The following PAK2 variants were observed in gnomAD, a reference collection of about 807,000 sequenced individuals.
The protein encoded by PAK2 is serine/threonine-protein kinase PAK 2.
A neutral mutation model predicts 65.9 loss-of-function variants in PAK2; 21 were observed. The observed-to-expected ratio is 0.32, with a 90% CI of 0.23 to 0.46. PAK2 has a LOEUF of 0.46. PAK2 is among the 20% of genes least tolerant of loss of function. The pLI, the probability that PAK2 is intolerant of heterozygous loss-of-function variation, is 1.00. For synonymous variants in PAK2, 204 were observed against 219.7 expected, an observed-to-expected ratio of 0.93 and a Z score of 0.63; for missense variants, 324 against 642.6, an observed-to-expected ratio of 0.50 and a Z score of 5.36.
chr3:196,761,981 G>A (rs961190758), intron 1 of PAK2, among the ~76,000 whole-genome samples: 8 of 128,962 alleles, frequency 6.2e-5, no homozygotes, highest in South Asian at 5.4e-4. Flanking sequence ...CTTCTCAGAC[G>A]GGGTGGTTGC....
rs140128630 is a variant in PAK2, at chr3:196,772,497, G to A, written c.-21-10129G>A. Among the ~76,000 whole-genome samples, 114 of 152,292 alleles carry A rather than the reference G, an allele frequency of 7.5e-4. 1 individual carries two copies. The highest frequency in any genetic ancestry group is 2.5e-3 in the African/African-American group (106 of 41,572). On this transcript the variant is annotated intron_variant, in intron 1 of 14. Coordinates refer to ENST00000327134, the MANE Select transcript of PAK2 (RefSeq NM_002577.4). The stretch of plus-strand genomic sequence containing the variant: ...AGACCTTTATCTTAGAGTTTGAAGC[G>A]AAGTTTTAGTTTCCTTCTTTTTTAC...
rs868361208 is a variant in PAK2 at position 196,791,855 on chromosome 3, C to T, written c.187+9022C>T. 1.1e-3 allele frequency among the ~76,000 whole-genome samples: 171 copies of T among 151,080 alleles called. No homozygotes were observed. The highest frequency in any genetic ancestry group is 3.6e-3 in the African/African-American group (148 of 41,152). On this transcript the variant is annotated intron_variant, in intron 2 of 14. Transcript: ENST00000327134. The surrounding 1 kb of genome is among the most constrained non-coding windows in gnomAD (Gnocchi z 4.0). ...AGGAGAATGGCGGGAACCCAGGAGG[C>T]GGAGCTTGCAGTGGAGCTGTGATCG...
rs574536566 is a variant in PAK2, at chr3:196,767,664, G to T, written c.-21-14962G>T. ...CCACCACGCCCAGCTAATTTTTTCT[G>T]TGTGTGCTTTTAGTAGAGACGGGGT... On this transcript the variant is annotated intron_variant, in intron 1 of 14. Transcript: ENST00000327134. 3.9e-5 allele frequency among the ~76,000 whole-genome samples: 6 copies of T among 151,990 alleles called. No homozygotes were observed. In the South Asian group the frequency reaches 1.0e-3, roughly 26 times the overall value.
chr3:196,771,200 G>A (rs930574782), intron 1 of PAK2, among the ~76,000 whole-genome samples: 2 of 151,992 alleles, frequency 1.3e-5, no homozygotes, highest in African/African-American at 4.8e-5. Context: ...GCAGCTTCTT[G>A]TCTCAACACA....
intron 1 of PAK2, among the ~76,000 whole-genome samples, chr3:196,770,010 C>CT (rs1252688035): frequency 1.3e-5 from 2 of 152,012 alleles, no homozygotes; most frequent in African/African-American, 4.8e-5. Flanking sequence ...CATCCCAGCA[C>CT]TTTGAGAGTC....
At chr3:196,816,607 G>T (rs867929789) in intron 11 of PAK2, among the ~76,000 whole-genome samples, 4 of 152,242 alleles carry the variant, frequency 2.6e-5, no homozygotes, top group East Asian at 1.9e-4. Context: ...TGAATCTGAT[G>T]ATTGCCTGGT....
intron 1 of PAK2, among the ~76,000 whole-genome samples, chr3:196,759,145 C>T (rs931872258): frequency 2.6e-5 from 4 of 152,114 alleles, no homozygotes; most frequent in Non-Finnish European, 5.9e-5. Flanking sequence ...GTGATCTTTT[C>T]CTGAACACAG....
intron 12 of PAK2, among the ~76,000 whole-genome samples, chr3:196,819,596 C>T (rs1711587357): frequency 6.6e-6 from 1 of 152,018 alleles, no homozygotes; most frequent in Non-Finnish European, 1.5e-5. Context: ...CATGCATAAC[C>T]AACAGTCTAA....
intron 4 of PAK2, among the ~76,000 whole-genome samples, chr3:196,804,454 C>T (rs1003096093): frequency 4.0e-5 from 6 of 150,348 alleles, no homozygotes; most frequent in Admixed American, 1.3e-4. Flanking sequence ...TGTGTGCGCA[C>T]GCGCGTGCGT....
Position 196,811,355 on chromosome 3 carries a change from C to CT in PAK2, c.773+703dup, listed in dbSNP as rs1560113989. Reference sequence around the variant, plus strand: ...TCCCTCCCTTCCCTCCCTTCCTTCCCTCCCTTCCCTTCCTTCTCTTCCTTC... The same window carrying CT: ...TCCCTCCCTTCCCTCCCTTCCTTCCCTTCCCTTCCCTTCCTTCTCTTCCTTC... On this transcript the variant is annotated intron_variant, in intron 8 of 14. Coordinates refer to ENST00000327134, the MANE Select transcript of PAK2 (RefSeq NM_002577.4). Among the ~76,000 whole-genome samples the CT allele has an allele frequency of 1.2e-4, 8 of 68,218 alleles. 1 individual carries two copies. The highest frequency in any genetic ancestry group is 2.2e-4 in the African/African-American group (4 of 18,198). The allele number at this position is 68,218 out of a possible 152,430, so 44.8% of individuals were successfully genotyped here. A position where few individuals can be genotyped will look rare whatever the true frequency, so the allele number is the denominator to read the frequency against.
At chr3:196,797,740 G>T (rs1715301347) in intron 2 of PAK2, among the ~76,000 whole-genome samples, 1 of 151,198 alleles carries the variant, frequency 6.6e-6, no homozygotes, top group Non-Finnish European at 1.5e-5. Flanking sequence ...AACAAAGCAA[G>T]ACTCTGTCTC....
At chr3:196,785,699 G>C (rs1021012896) in intron 2 of PAK2, among the ~76,000 whole-genome samples, 6 of 152,180 alleles carry the variant, frequency 3.9e-5, no homozygotes, top group African/African-American at 1.4e-4. Flanking sequence ...ATTTATACAA[G>C]AAAAAGGGTT....
intron 1 of PAK2, among the ~76,000 whole-genome samples, chr3:196,766,992 C>T (rs1027135505): frequency 6.8e-6 from 1 of 146,380 alleles, no homozygotes; most frequent in Non-Finnish European, 1.5e-5. Flanking sequence ...ACACCTTCCC[C>T]CCATCTCTTT....
At position 196,806,794 on chromosome 3, in the gene PAK2, A is replaced by G. The variant is rs571674717; in HGVS notation, c.576+108A>G. ...TTGCTTTTAAAAAGCCCTCAAGTTT[A>G]AAATCGTTTAGTATGGGGAAATTTA... On this transcript the variant is annotated intron_variant, in intron 6 of 14. Transcript: ENST00000327134. The G allele has an allele frequency of 3.4e-5, 24 of 700,294 alleles. No individual in the cohort carries two copies. In the Middle Eastern group the frequency reaches 7.3e-4, roughly 21 times the overall value. 43.4% of individuals were successfully genotyped at this position (700,294 alleles called of 1,614,324 possible).
chr3:196,768,151 G>A (rs563980217), intron 1 of PAK2, among the ~76,000 whole-genome samples: 44 of 152,174 alleles, frequency 2.9e-4, no homozygotes, highest in Non-Finnish European at 5.0e-4. Context: ...AAATCAACAC[G>A]TGGTGGGACA....
At chr3:196,814,043 A>G (rs1217206216) in intron 10 of PAK2, among the ~76,000 whole-genome samples, 1 of 152,194 alleles carries the variant, frequency 6.6e-6, no homozygotes, top group Non-Finnish European at 1.5e-5. Context: ...AAGATAAGCC[A>G]GGGGCTTCGG....
chr3:196,749,969 G>A (rs527709458), intron 1 of PAK2, among the ~76,000 whole-genome samples: 2 of 150,788 alleles, frequency 1.3e-5, no homozygotes, highest in Admixed American at 1.3e-4. Flanking sequence ...CTACAGATAC[G>A]CTACCTTACC....
chr3:196,763,395 ACTC>A (rs1182947354), intron 1 of PAK2, among the ~76,000 whole-genome samples: 2 of 151,906 alleles, frequency 1.3e-5, no homozygotes, highest in African/African-American at 2.4e-5. Flanking sequence ...AGGAAGCAAA[ACTC>A]CTTTTCTTCT....
chr3:196,786,858 C>T (rs1311969904), intron 2 of PAK2, among the ~76,000 whole-genome samples: 11 of 150,988 alleles, frequency 7.3e-5, no homozygotes, highest in Non-Finnish European at 1.3e-4. Flanking sequence ...CAGGGTCTCA[C>T]TCTGTGACCC....
Sources: allele counts gnomAD v4.1 joint callset (sites outside exome capture counted in the v4.1 genomes callset), GRCh38; gene constraint gnomAD v4.1.1; non-coding constraint Gnocchi (gnomAD v3.1); transcripts MANE v1.5; gene names NCBI Gene and HGNC (gene_info 2026-07-23, HGNC 2026-07-21).